Variants in ACSM3 observed in about 807,000 individuals in gnomAD.
The protein encoded by ACSM3 is acyl-coenzyme A synthetase ACSM3, mitochondrial.
A neutral mutation model predicts 74.1 loss-of-function variants in ACSM3; 61 were observed. The observed-to-expected ratio is 0.82, with a 90% CI of 0.67 to 1.02. The LOEUF is 1.02. ACSM3 is among the 50% of genes least tolerant of loss of function. The pLI is 0.00. For synonymous variants in ACSM3, 213 were observed against 241.5 expected, an observed-to-expected ratio of 0.88 and a Z score of 1.09; for missense variants, 660 against 697.0, an observed-to-expected ratio of 0.95 and a Z score of 0.60.
intron 1 of ACSM3, chr16:20,682,586 C>T (rs1395585832): frequency 1.5e-6 from 1 of 674,862 alleles, no homozygotes; most frequent in Non-Finnish European, 2.6e-6. Context: ...CACAGAACAA[C>T]AGCAGCAGCA....
intron 1 of ACSM3, chr16:20,679,593 G>A (rs1450329297): frequency 6.6e-6 from 1 of 152,164 alleles, no homozygotes; most frequent in Non-Finnish European, 1.5e-5. Flanking sequence ...ATACACTAAT[G>A]TTGTTACCAT....
chr16:20,776,004 A>G lies in ACSM3; in HGVS notation c.385A>G (p.Arg129Gly), dbSNP rs2080251516. ...RGDRVILILP[R>G]VPEWWLANVA... Reference sequence around the variant, plus strand: ...AGATCGGGTAATTCTGATTCTGCCCAGGGTCCCAGAGTGGTGGCTTGCAAA... The same window carrying G: ...AGATCGGGTAATTCTGATTCTGCCCGGGGTCCCAGAGTGGTGGCTTGCAAA... Residue 129 changes from arginine (R) to glycine (G), a missense_variant, in exon 3 of 14, where the codon AGG (arginine) becomes GGG (glycine). Transcript: ENST00000289416. 6.2e-7 allele frequency: 1 copy of G among 1,614,212 alleles called. No individual in the cohort carries two copies. The highest frequency in any genetic ancestry group is 1.1e-5 in the South Asian group (1 of 91,078).
intron 2 of ACSM3, among the ~76,000 whole-genome samples, chr16:20,772,897 G>A (rs978548134): frequency 6.6e-6 from 1 of 151,652 alleles, no homozygotes; most frequent in African/African-American, 2.4e-5. Flanking sequence ...AATCTGGGAG[G>A]TGGAGGTTGC....
chr16:20,741,758 G>C (rs752416689), intron 1 of ACSM3: 1 of 1,557,642 alleles, frequency 6.4e-7, no homozygotes, highest in Non-Finnish European at 8.7e-7. Context: ...CAAACTGAGA[G>C]GAAAGAGAAA....
intron 1 of ACSM3, chr16:20,766,571 A>T (rs1489918634): frequency 6.6e-6 from 1 of 152,128 alleles, no homozygotes; most frequent in East Asian, 1.9e-4. Context: ...AAATTTTTTA[A>T]AACACTTAGC....
chr16:20,784,950 C>T (rs1435480759), intron 7 of ACSM3, 34 bp from the exon 8 acceptor site: 2 of 1,581,996 alleles, frequency 1.3e-6, no homozygotes, highest in Admixed American at 3.9e-5. Flanking sequence ...TCCATTTTTC[C>T]TCCTAAATCT....
At chr16:20,752,906 C>A (rs1002332634) in intron 2 of ACSM3, among the ~76,000 whole-genome samples, 1 of 152,056 alleles carries the variant, frequency 6.6e-6, no homozygotes, top group African/African-American at 2.4e-5. Flanking sequence ...GATCTATCCT[C>A]TAGATTTAAC....
intron 1 of ACSM3, chr16:20,682,445 G>C: frequency 6.2e-7 from 1 of 1,613,278 alleles, no homozygotes; most frequent in Non-Finnish European, 8.5e-7. Context: ...CAGGATGGTC[G>C]CAGGAATGAA....
chr16:20,765,190 G>A (rs2080112882), intron 1 of ACSM3, among the ~76,000 whole-genome samples: 1 of 152,096 alleles, frequency 6.6e-6, no homozygotes, highest in Non-Finnish European at 1.5e-5. Context: ...CCTTACCAAT[G>A]TTTCTGTGGC....
chr16:20,753,462 CAA>C (rs36090074), intron 2 of ACSM3, among the ~76,000 whole-genome samples: 168 of 101,592 alleles, frequency 1.7e-3, no homozygotes, highest in African/African-American at 6.3e-3. Context: ...AGACTGTCTC[CAA>C]AAAAAAAAAA....
At chr16:20,677,986 C>T (rs2079342635) in intron 1 of ACSM3, among the ~76,000 whole-genome samples, 2 of 141,096 alleles carry the variant, frequency 1.4e-5, no homozygotes, top group African/African-American at 5.8e-5. Flanking sequence ...GCAAGGGGCA[C>T]CATAAAGGAA....
At chr16:20,732,613 T>C (rs775934033) in intron 1 of ACSM3, among the ~76,000 whole-genome samples, 11 of 152,108 alleles carry the variant, frequency 7.2e-5, no homozygotes, top group South Asian at 2.1e-4. Context: ...TCTAGAACAG[T>C]AGAGACCTAG....
chr16:20,736,834 C>A, intron 1 of ACSM3: 2 of 1,580,478 alleles, frequency 1.3e-6, no homozygotes, highest in Non-Finnish European at 1.7e-6. Context: ...AGCAACATCT[C>A]GTAGAGCCCC....
chr16:20,714,056 G>A (rs993074706), intron 1 of ACSM3, among the ~76,000 whole-genome samples: 1 of 152,110 alleles, frequency 6.6e-6, no homozygotes, highest in African/African-American at 2.4e-5. Context: ...ATTCATAATG[G>A]ATGAGGGAAA....
intron 1 of ACSM3, chr16:20,734,285 T>G (rs2152412561): frequency 6.5e-6 from 1 of 152,762 alleles, no homozygotes; most frequent in Non-Finnish European, 1.5e-5. Flanking sequence ...AATCTTTGTC[T>G]TGGAGCAAGT....
chr16:20,739,125 C>G, intron 1 of ACSM3: 1 of 1,545,608 alleles, frequency 6.5e-7, no homozygotes, highest in Non-Finnish European at 8.8e-7. Context: ...CATTTAAACA[C>G]TATAAGTAAT....
At chr16:20,741,440 A>ATCCCTCCACCCT (rs1555483201) in intron 1 of ACSM3, 15 of 1,455,378 alleles carry the variant, frequency 1.0e-5, no homozygotes, top group Middle Eastern at 2.5e-4. Context: ...ACCAGCAGCC[A>ATCCCTCCACCCT]TCCCTCCACC....
chr16:20,781,617 C>T, intron 6 of ACSM3, 91 bp from the exon 7 acceptor site: 1 of 955,898 alleles, frequency 1.0e-6, no homozygotes, highest in Non-Finnish European at 1.7e-6. Context: ...TTAACATAAA[C>T]AATGTTTAAA....
At chr16:20,774,947 A>G (rs1023564991) in intron 2 of ACSM3, among the ~76,000 whole-genome samples, 1 of 152,198 alleles carries the variant, frequency 6.6e-6, no homozygotes, top group Non-Finnish European at 1.5e-5. Context: ...GATCATGTTC[A>G]TGGCAGCAGG....
Sources: allele counts gnomAD v4.1 joint callset (sites outside exome capture counted in the v4.1 genomes callset), GRCh38; gene constraint gnomAD v4.1.1; transcripts MANE v1.5; gene names NCBI Gene and HGNC (gene_info 2026-07-23, HGNC 2026-07-21).